Variants in F5 observed in about 807,000 individuals in gnomAD.
F5 encodes coagulation factor V.
Under a neutral mutation model 216.4 loss-of-function variants are expected in F5, and 138 were observed. That is an observed-to-expected ratio of 0.64 (90% CI 0.56 to 0.73). The LOEUF (loss-of-function observed/expected upper bound fraction) is 0.73, where lower values mean the gene tolerates loss of function less well. Ranked by LOEUF, F5 falls within the 30% of genes least tolerant of loss-of-function variation. The pLI is 0.00. For synonymous variants in F5, 916 were observed against 930.7 expected (o/e 0.98, Z 0.29); for missense variants, 2,403 against 2,674.0 (o/e 0.90, Z 2.24).
At chr1:169,580,825 G>A (rs1660970516) in intron 2 of F5, among the ~76,000 whole-genome samples, 1 of 152,122 alleles carries the variant, frequency 6.6e-6, no homozygotes, top group Non-Finnish European at 1.5e-5. Context: ...TATGATCTAA[G>A]TTATGATTAG....
At chr1:169,575,237 G>A (rs921752304) in intron 2 of F5, among the ~76,000 whole-genome samples, 17 of 152,186 alleles carry the variant, frequency 1.1e-4, no homozygotes, top group Non-Finnish European at 4.4e-5. Context: ...AGAGTAGCGT[G>A]CGCAAAGGCC....
chr1:169,533,384 T>C (rs1220404070), intron 14 of F5, among the ~76,000 whole-genome samples: 1 of 152,108 alleles, frequency 6.6e-6, no homozygotes, highest in African/African-American at 2.4e-5. Context: ...CTCAAAAGCA[T>C]TTCAACAAAA....
chr1:169,542,339 A>C lies in F5; in HGVS notation c.2751T>G (p.Ser917=). ...WEDLPSQDTG[S]PSRMRPWKDP... is the part of the protein sequence containing the mutation. Reference sequence around the variant, plus strand: ...CCTTCCAGGGCCTCATTCTGGAAGGAGAACCAGTGTCTTGGCTAGGAAGGT... The same window carrying C: ...CCTTCCAGGGCCTCATTCTGGAAGGCGAACCAGTGTCTTGGCTAGGAAGGT... Residue 917 remains serine (S), a synonymous_variant, in exon 13 of 25, where the codon TCT becomes TCG. Transcript: ENST00000367797. The C allele has an allele frequency of 6.2e-7, 1 of 1,600,200 alleles. No individual in the cohort carries two copies.
Position 169,539,531 on chromosome 1 carries a change from A to G in F5, c.4796+763T>C, listed in dbSNP as rs566936464. On this transcript the variant is annotated intron_variant, in intron 13 of 24. Transcript: ENST00000367797. ...GAAGTCATAGGAAAAGGTGTTTTAAACAGAGTTCTAATGTGGAGATGTCAG... is the reference window on the plus strand; with the variant it reads ...GAAGTCATAGGAAAAGGTGTTTTAAGCAGAGTTCTAATGTGGAGATGTCAG... Among the ~76,000 whole-genome samples, 8 of 152,302 alleles carry G rather than the reference A, an allele frequency of 5.3e-5. No individual in the cohort carries two copies. The South Asian group carries it at 6.2e-4, about 12-fold the overall frequency.
rs1385521861 is a variant in F5, at chr1:169,518,500, G to A, written c.6257C>T (p.Ser2086Leu). The A allele has an allele frequency of 1.5e-5, 24 of 1,613,830 alleles. No individual in the cohort carries two copies. The highest frequency in any genetic ancestry group is 2.0e-5 in the Non-Finnish European group (24 of 1,179,856). The change falls in exon 23 of 25, where the codon TCG becomes TTG. Residue 2086 changes from serine to leucine, a missense_variant. Around this residue, in one of 4 missense-constraint regions of F5, gnomAD observed 659 missense variants for 787.9 expected, o/e 0.84. Coordinates refer to ENST00000367797, the MANE Select transcript of F5 (RefSeq NM_000130.5). ...KIENKQITAS[S>L]FKKSWWGDYW... ...ATCTCCCCACCAAGATTTCTTAAAC[G>A]AAGAAGCTGTGATTTGCTTGTTTTC...
chr1:169,573,313 C>T (rs1571599614), intron 2 of F5, among the ~76,000 whole-genome samples: 1 of 152,106 alleles, frequency 6.6e-6, no homozygotes, highest in African/African-American at 2.4e-5. Context: ...CATAGTATAA[C>T]GTGTATTAAA....
chr1:169,549,842 G>C lies in F5; in HGVS notation c.1570C>G (p.Leu524Val). The change falls in exon 10 of 25, where the codon CTA (leucine) becomes GTA (valine). Residue 524 changes from leucine to valine, a missense_variant. Around this residue, in one of 4 missense-constraint regions of F5, gnomAD observed 1,425 missense variants for 1,554.8 expected, o/e 0.92. Transcript: ENST00000367797. Reference sequence around the variant, plus strand: ...TCCAGGGATCTGCTCTTACAGATTAGAAGTAGTCCTATTAGCCCAGAGGCG... The same window carrying C: ...TCCAGGGATCTGCTCTTACAGATTACAAGTAGTCCTATTAGCCCAGAGGCG... ...DIASGLIGLL[L>V]ICKSRSLDRR... 6.2e-7 allele frequency: 1 copy of C among 1,614,066 alleles called. No homozygotes were observed.
intron 21 of F5, among the ~76,000 whole-genome samples, chr1:169,521,472 C>T (rs781347074): frequency 2.8e-4 from 43 of 152,266 alleles, no homozygotes; most frequent in Non-Finnish European, 4.9e-4. Flanking sequence ...AGTAAACAGG[C>T]TGTGCCCTAC....
Position 169,542,422 on chromosome 1 carries a change from C to T in F5, c.2668G>A (p.Val890Ile). ...FSWMKLLAHKVGRHLSQDTGS... is the reference protein window; with the variant it reads ...FSWMKLLAHKIGRHLSQDTGS... ...GTGTCTTGGCTTAGGTGTCTCCCAACTTTATGTGCTAGTAATTTCATCCAG... is the reference window on the plus strand; with the variant it reads ...GTGTCTTGGCTTAGGTGTCTCCCAATTTTATGTGCTAGTAATTTCATCCAG... Residue 890 changes from valine to isoleucine, a missense_variant, in exon 13 of 25, where the codon GTT (valine) becomes ATT (isoleucine). Physicochemically the swap from Val to Ile is conservative, Grantham distance 29. Around this residue, in one of 4 missense-constraint regions of F5, gnomAD observed 1,425 missense variants for 1,554.8 expected, o/e 0.92. Transcript: ENST00000367797. The T allele has an allele frequency of 1.2e-6, 2 of 1,614,134 alleles. No homozygotes were observed. The highest frequency in any genetic ancestry group is 1.7e-6 in the Non-Finnish European group (2 of 1,180,010).
intron 3 of F5, among the ~76,000 whole-genome samples, chr1:169,562,248 G>T (rs533959514): frequency 5.3e-5 from 8 of 151,920 alleles, no homozygotes; most frequent in Non-Finnish European, 1.0e-4. Flanking sequence ...CTATAATTTG[G>T]CTTTTCTGTA....
At position 169,513,560 on chromosome 1, in the gene F5, G is replaced by A. The variant is rs896269323; in HGVS notation, c.*753C>T. ...TTTAGACCAGCAGTTCCCATGCTCTGTTTTACAGGTCTGAGCTTTCCAGTA... is the reference window on the plus strand; with the variant it reads ...TTTAGACCAGCAGTTCCCATGCTCTATTTTACAGGTCTGAGCTTTCCAGTA... On this transcript the variant is annotated 3_prime_UTR_variant, in exon 25 of 25. Coordinates refer to ENST00000367797, the MANE Select transcript of F5 (RefSeq NM_000130.5). Among the ~76,000 whole-genome samples, 6 of 152,094 alleles carry A rather than the reference G, an allele frequency of 3.9e-5. No homozygotes were observed. In the East Asian group the frequency reaches 9.6e-4, roughly 24 times the overall value.
At chr1:169,555,082 C>G in intron 7 of F5, 100 bp downstream of exon 7, 1 of 1,312,602 alleles carries the variant, frequency 7.6e-7, no homozygotes, top group Non-Finnish European at 1.1e-6. Context: ...ATACATGTGT[C>G]CCCTTGAGAG....
Position 169,560,855 on chromosome 1 carries a change from T to C in F5, c.374-89A>G, listed in dbSNP as rs7534848. 0.22 allele frequency: 246,168 copies of C among 1,133,286 alleles called. 37,185 individuals carry two copies. Among genetic ancestry groups the C allele is most frequent in the East Asian group, 0.6 (25,168 of 41,836 alleles). The allele number at this position is 1,133,286 out of a possible 1,614,324, so 70.2% of individuals were successfully genotyped here. On this transcript the variant is annotated intron_variant, in intron 3 of 24. Transcript: ENST00000367797. ...CAAATCTGGGGATAGCTAAGATGAG[T>C]TCTCTGGAGATGCATATGTCCTTCA...
chr1:169,563,219 G>T (rs528358450), intron 3 of F5, among the ~76,000 whole-genome samples: 4 of 152,116 alleles, frequency 2.6e-5, no homozygotes, highest in Admixed American at 2.6e-4. Context: ...CCTGTATGTG[G>T]TGTGTGTTTT....
In F5 at chr1:169,544,336, G is replaced by A; in HGVS notation, c.1935C>T (p.Pro645=). Residue 645 remains proline, a synonymous_variant, in exon 12 of 25, where the codon CCC becomes CCT. Transcript: ENST00000367797. ...KRHEDTLTLF[P]MRGESVTVTM... ...TGACCGTCACAGATTCTCCACGCATGGGGAAGAGGGTCAAGGTGTCCTCAT... is the reference window on the plus strand; with the variant it reads ...TGACCGTCACAGATTCTCCACGCATAGGGAAGAGGGTCAAGGTGTCCTCAT... 6.2e-7 allele frequency: 1 copy of A among 1,614,040 alleles called. No homozygotes were observed. The highest frequency in any genetic ancestry group is 8.5e-7 in the Non-Finnish European group (1 of 1,179,958).
intron 22 of F5, 109 bp downstream of exon 22, chr1:169,520,411 A>C: frequency 1.5e-6 from 2 of 1,363,614 alleles, no homozygotes; most frequent in South Asian, 2.4e-5. Flanking sequence ...AGGTTTTCCT[A>C]GGAGCCTAAG....
chr1:169,555,155 C>T lies in F5; in HGVS notation c.1118+27G>A, dbSNP rs774853269. ...TATGGAATGTGTCTTGAACCTTTGC[C>T]CAGTGGTATGAACCCCAACAACTCA... On this transcript the variant is annotated intron_variant, in intron 7 of 24. Coordinates refer to ENST00000367797, the MANE Select transcript of F5 (RefSeq NM_000130.5). 2.5e-6 allele frequency: 4 copies of T among 1,613,692 alleles called. No individual in the cohort carries two copies. In the African/African-American group the frequency reaches 4.0e-5, roughly 16 times the overall value.
Position 169,523,246 on chromosome 1 carries a change from T to C in F5, c.5999A>G (p.Asn2000Ser). ...TTEFYVAYSS[N>S]QINWQIFKGN... is the part of the protein sequence containing the mutation. ...TTTGAAGATCTGCCAGTTGATCTGG[T>C]TGGAACTGTAAGCTACATAGAACTC... The change falls in exon 21 of 25, where the codon AAC becomes AGC. Residue 2000 changes from asparagine to serine, a missense_variant. Physicochemically the swap from Asn to Ser is conservative, Grantham distance 46. This residue lies in a region of F5 where 659 missense variants were observed against 787.9 expected (regional missense o/e 0.84). Transcript: ENST00000367797. 6.2e-7 allele frequency: 1 copy of C among 1,614,104 alleles called. No individual in the cohort carries two copies. The highest frequency in any genetic ancestry group is 8.5e-7 in the Non-Finnish European group (1 of 1,179,986).
At chr1:169,582,655 C>A (rs551377986) in intron 1 of F5, 133 bp from the exon 2 acceptor site, 1 of 510,510 alleles carries the variant, frequency 2.0e-6, no homozygotes, top group South Asian at 2.8e-5. Flanking sequence ...TTCAGAAGTC[C>A]ACAGTTTTAT....
Sources: gnomAD v4.1 joint callset for allele counts (sites outside exome capture counted in the v4.1 genomes callset) on GRCh38, gnomAD v4.1.1 for gene constraint, gnomAD v4.1.1 regional missense constraint, MANE v1.5 for transcripts, NCBI Gene and HGNC (gene_info 2026-07-23, HGNC 2026-07-21) for gene names.